The following RARS2 variants were observed in gnomAD, a reference collection of about 807,000 sequenced individuals.
RARS2 encodes probable arginine--tRNA ligase, mitochondrial.
In RARS2, 67 loss-of-function variants were observed where a neutral mutation model predicts 88.5. That is an observed-to-expected ratio of 0.76 (90% CI 0.62 to 0.93). The LOEUF (loss-of-function observed/expected upper bound fraction) is 0.93, where lower values mean the gene tolerates loss of function less well. RARS2 is among the 40% of genes least tolerant of loss of function. The pLI is 0.00. For synonymous variants in RARS2, 239 were observed against 230.3 expected, an observed-to-expected ratio of 1.04 and a Z score of -0.34; for missense variants, 664 against 684.2, an observed-to-expected ratio of 0.97 and a Z score of 0.33.
chr6:87,536,827 C>G (rs1408291594), intron 8 of RARS2, among the ~76,000 whole-genome samples: 1 of 152,056 alleles, frequency 6.6e-6, no homozygotes, highest in African/African-American at 2.4e-5. Flanking sequence ...AAACTACTTC[C>G]CTGTTTTGTA....
At chr6:87,581,204 T>G (rs144780391) in intron 1 of RARS2, among the ~76,000 whole-genome samples, 2 of 152,230 alleles carry the variant, frequency 1.3e-5, no homozygotes, top group South Asian at 4.1e-4. Flanking sequence ...TCTGTGAAAA[T>G]TGCATAAAAA....
Position 87,529,666 on chromosome 6 carries a change from CA to C in RARS2, c.772-19del. ...CCCAGACGCTAAAAGAGTTCAGAAA[CA>C]AAAAGACAAAGAAATGTTAATTGAA... On this transcript the variant is annotated intron_variant, in intron 9 of 19. Coordinates refer to ENST00000369536, the MANE Select transcript of RARS2 (RefSeq NM_020320.5). 6.5e-7 allele frequency: 1 copy of C among 1,529,992 alleles called. No individual in the cohort carries two copies. Among genetic ancestry groups the C allele is most frequent in the Non-Finnish European group, 9.1e-7 (1 of 1,103,900 alleles). 94.8% of individuals were successfully genotyped at this position (1,529,992 alleles called of 1,614,324 possible). A position where few individuals can be genotyped will look rare whatever the true frequency, so the allele number is the denominator to read the frequency against.
intron 8 of RARS2, among the ~76,000 whole-genome samples, chr6:87,531,726 G>T (rs1777594479): frequency 6.6e-6 from 1 of 152,070 alleles, no homozygotes; most frequent in African/African-American, 2.4e-5. Context: ...TCCAGCTCTA[G>T]GAATCTGTGT....
At chr6:87,517,640 T>A (rs1772244316) in intron 17 of RARS2, among the ~76,000 whole-genome samples, 1 of 152,168 alleles carries the variant, frequency 6.6e-6, no homozygotes, top group Non-Finnish European at 1.5e-5. Flanking sequence ...ACCATCCACA[T>A]CCCTTCTAGA....
At chr6:87,574,833 CTAATAATTAAGAAACA>C (rs1554218508) in intron 1 of RARS2, among the ~76,000 whole-genome samples, 1 of 151,784 alleles carries the variant, frequency 6.6e-6, no homozygotes, top group Non-Finnish European at 1.5e-5. Context: ...TACCATAAAA[CTAATAATTAAGAAACA>C]TAACAGTATA....
In RARS2 at chr6:87,514,171, C is replaced by G. The variant is rs552924173; in HGVS notation, c.*242G>C. ...TACTAAAAATACAAAATTAGCCTGG[C>G]GTGATGGCACGTGCCTGTAATCCCA... is the stretch of plus-strand genomic sequence containing the variant. On this transcript the variant is annotated 3_prime_UTR_variant, in exon 20 of 20. Coordinates refer to ENST00000369536, the MANE Select transcript of RARS2 (RefSeq NM_020320.5). 2.2e-4 allele frequency among the ~76,000 whole-genome samples: 34 copies of G among 152,072 alleles called. No individual in the cohort carries two copies. Among genetic ancestry groups the G allele is most frequent in the African/African-American group, 7.5e-4 (31 of 41,492 alleles).
chr6:87,564,514 CAA>C (rs778842120), intron 2 of RARS2: 18 of 389,238 alleles, frequency 4.6e-5, no homozygotes, highest in Non-Finnish European at 6.8e-5. Flanking sequence ...CACACACACA[CAA>C]AAATTAGCCA....
chr6:87,582,495 G>A, intron 1 of RARS2, among the ~76,000 whole-genome samples: 1 of 152,148 alleles, frequency 6.6e-6, no homozygotes, highest in African/African-American at 2.4e-5. Flanking sequence ...ACCTTTGTCA[G>A]ATAGATTGTG....
intron 12 of RARS2, 60 bp from the exon 13 acceptor site, chr6:87,520,316 G>T: frequency 1.5e-6 from 2 of 1,325,744 alleles, no homozygotes; most frequent in South Asian, 1.2e-5. Flanking sequence ...ATAAAAATAG[G>T]TTGGACTTGA....
intron 9 of RARS2, 40 bp from the exon 10 acceptor site, chr6:87,529,688 T>C (rs1304650284): frequency 7.8e-6 from 11 of 1,413,994 alleles, no homozygotes; most frequent in Non-Finnish European, 9.0e-6. Context: ...GAAATGTTAA[T>C]TGAATCTCCT....
At chr6:87,541,402 C>T (rs1780904943) in intron 8 of RARS2, among the ~76,000 whole-genome samples, 1 of 152,198 alleles carries the variant, frequency 6.6e-6, no homozygotes, top group African/African-American at 2.4e-5. Flanking sequence ...GTCTTGAACT[C>T]CTGGTGTCAA....
intron 1 of RARS2, among the ~76,000 whole-genome samples, chr6:87,585,697 A>G (rs1270359114): frequency 6.6e-6 from 1 of 152,094 alleles, no homozygotes; most frequent in Non-Finnish European, 1.5e-5. Context: ...ACGCCATTGC[A>G]CTCTAGCCCG....
At chr6:87,519,936 G>A (rs1773303812) in intron 13 of RARS2, among the ~76,000 whole-genome samples, 1 of 152,160 alleles carries the variant, frequency 6.6e-6, no homozygotes, top group Non-Finnish European at 1.5e-5. Context: ...AGAAAAAGGA[G>A]ATGTGGATTA....
At chr6:87,517,914 T>A (rs1772356605) in intron 17 of RARS2, among the ~76,000 whole-genome samples, 1 of 152,212 alleles carries the variant, frequency 6.6e-6, no homozygotes, top group African/African-American at 2.4e-5. Flanking sequence ...TTATGTGAGC[T>A]AGAGGCAGCT....
chr6:87,559,454 A>C (rs1787109513), intron 4 of RARS2, among the ~76,000 whole-genome samples: 1 of 126,600 alleles, frequency 7.9e-6, no homozygotes, highest in Non-Finnish European at 1.6e-5. Flanking sequence ...CAAGAGTGAA[A>C]CTCTGTCTCA....
chr6:87,527,588 AAAG>A (rs751236884), intron 10 of RARS2, among the ~76,000 whole-genome samples: 1 of 152,192 alleles, frequency 6.6e-6, no homozygotes, highest in Non-Finnish European at 1.5e-5. Flanking sequence ...TCTGCACAGC[AAAG>A]AAAACAATCA....
chr6:87,518,515 T>G, intron 16 of RARS2, 115 bp downstream of exon 16: 1 of 1,303,712 alleles, frequency 7.7e-7, no homozygotes. Context: ...TCTAGTCAGA[T>G]GTGAATAGAA....
chr6:87,583,662 CA>C (rs1562279055), intron 1 of RARS2, among the ~76,000 whole-genome samples: 3 of 151,672 alleles, frequency 2.0e-5, no homozygotes, highest in Non-Finnish European at 4.4e-5. Context: ...GAAAGGGAGA[CA>C]AATCTACATT....
intron 1 of RARS2, among the ~76,000 whole-genome samples, chr6:87,569,880 T>C (rs1769103923): frequency 6.6e-6 from 1 of 151,428 alleles, no homozygotes; most frequent in African/African-American, 2.4e-5. Flanking sequence ...GAATGAACTT[T>C]ACCTTCGTAA....
Sources: gnomAD v4.1 joint callset for allele counts (sites outside exome capture counted in the v4.1 genomes callset) on GRCh38, gnomAD v4.1.1 for gene constraint, MANE v1.5 for transcripts, NCBI Gene and HGNC (gene_info 2026-07-23, HGNC 2026-07-21) for gene names.